Variants in ANKS6 observed in about 807,000 individuals in gnomAD.
ANKS6 encodes the protein ankyrin repeat and SAM domain-containing protein 6.
Under a neutral mutation model 77.9 loss-of-function variants are expected in ANKS6, and 47 were observed. The ratio of observed to expected loss-of-function variants is 0.60; its 90% confidence interval spans 0.48 to 0.77. The LOEUF (loss-of-function observed/expected upper bound fraction) is 0.77. Among genes scored for constraint, ANKS6 ranks in the 30% least tolerant of loss-of-function variants. ANKS6 has a pLI of 0.00. For missense variants in ANKS6, 1,150 were observed against 1,159.1 expected (o/e 0.99, Z 0.11); for synonymous variants, 488 against 501.7 (o/e 0.97, Z 0.37).
In ANKS6 at chr9:98,757,011, T is replaced by C. The variant is rs140335640; in HGVS notation, c.2143-408A>G. Among the ~76,000 whole-genome samples, 234 of 151,478 alleles carry C rather than the reference T, an allele frequency of 1.5e-3. 1 individual carries two copies. Among genetic ancestry groups the C allele is most frequent in the African/African-American group, 5.5e-3 (225 of 41,210 alleles). On this transcript the variant is annotated intron_variant, in intron 11 of 14. Coordinates refer to ENST00000353234, the MANE Select transcript of ANKS6 (RefSeq NM_173551.5). ...GCACAAAGTCTCTTTCTGCTCTTGA[T>C]GCTCCTTCATCTACACCAAAGAACA...
At chr9:98,783,153 A>G (rs1834374323) in intron 4 of ANKS6, among the ~76,000 whole-genome samples, 1 of 151,818 alleles carries the variant, frequency 6.6e-6, no homozygotes, top group Non-Finnish European at 1.5e-5. Flanking sequence ...AGGGGAGAGG[A>G]GACAAAACCA....
rs961612052 is a variant in ANKS6 at position 98,796,535 on chromosome 9, G to C, written c.-44C>G. 1.0e-6 allele frequency: 1 copy of C among 971,722 alleles called. No homozygotes were observed. The highest frequency in any genetic ancestry group is 1.2e-6 in the Non-Finnish European group (1 of 818,596). 60.2% of individuals were successfully genotyped at this position (971,722 alleles called of 1,614,324 possible). On this transcript the variant is annotated 5_prime_UTR_variant, in exon 1 of 15. Transcript: ENST00000353234. ...CCCGCTCCCGTCCGCCCCGCCGGCCGCGTCGGCTCCGCCCCCGGATACCGC... is the reference window on the plus strand; with the variant it reads ...CCCGCTCCCGTCCGCCCCGCCGGCCCCGTCGGCTCCGCCCCCGGATACCGC...
chr9:98,737,730 C>T (rs1375172815), intron 14 of ANKS6, among the ~76,000 whole-genome samples: 2 of 152,070 alleles, frequency 1.3e-5, no homozygotes, highest in African/African-American at 4.8e-5. Context: ...TTAGAAAAAA[C>T]AATTCTAAAA....
chr9:98,782,111 G>A (rs995796899), intron 5 of ANKS6, among the ~76,000 whole-genome samples: 1 of 152,172 alleles, frequency 6.6e-6, no homozygotes, highest in African/African-American at 2.4e-5. Context: ...TATCAAAGGG[G>A]ACTTTATGTT....
At chr9:98,777,496 T>G in intron 7 of ANKS6, 42 bp from the exon 8 acceptor site, 1 of 1,598,410 alleles carries the variant, frequency 6.3e-7, no homozygotes, top group South Asian at 1.1e-5. Flanking sequence ...CCCCTCCACG[T>G]GTCCACAGCA....
chr9:98,796,277 T>C lies in ANKS6; in HGVS notation c.215A>G (p.Asp72Gly). Residue 72 changes from aspartate (D) to glycine (G), a missense_variant, in exon 1 of 15, where the codon GAT becomes GGT. Transcript: ENST00000353234. The part of the protein sequence containing the change: ...AGAVGAPVPV[D>G]CSDEAGNTAL... The stretch of plus-strand genomic sequence containing the variant: ...GGTGTTGCCCGCCTCGTCCGAGCAA[T>C]CCACGGGCACCGGAGCCCCGACTGC... The C allele has an allele frequency of 4.5e-6, 6 of 1,327,994 alleles. No individual in the cohort carries two copies. Among genetic ancestry groups the C allele is most frequent in the Non-Finnish European group, 5.8e-6 (6 of 1,034,154 alleles). The allele number at this position is 1,327,994 out of a possible 1,614,324, so 82.3% of individuals were successfully genotyped here.
rs201705069 is a variant in ANKS6 at position 98,784,068 on chromosome 9, C to A, written c.997G>T (p.Ala333Ser). 1.2e-5 allele frequency: 19 copies of A among 1,610,708 alleles called. No homozygotes were observed. The highest frequency in any genetic ancestry group is 1.5e-5 in the Non-Finnish European group (18 of 1,178,536). Residue 333 changes from alanine to serine, a missense_variant, in exon 4 of 15, where the codon GCA becomes TCA. By Grantham distance (99) the Ala-to-Ser change is moderately conservative. Transcript: ENST00000353234. The part of the protein sequence containing the change: ...NGDGATPLML[A>S]AVTGQLALVQ... ...AGAGCCAGCTGCCCCGTAACAGCTG[C>A]TAGCATCAGTGGCGTCGCCCCGTCC...
chr9:98,796,481 C>T lies in ANKS6; in HGVS notation c.11G>A (p.Gly4Asp). 1 of 990,360 alleles carries T rather than the reference C, an allele frequency of 1.0e-6. No individual in the cohort carries two copies. The highest frequency in any genetic ancestry group is 1.2e-6 in the Non-Finnish European group (1 of 834,934). 61.3% of individuals were successfully genotyped at this position (990,360 alleles called of 1,614,324 possible). A position where few individuals can be genotyped will look rare whatever the true frequency, so the allele number is the denominator to read the frequency against. The part of the protein sequence containing the change: MGE[G>D]GLPPAFQLLL... ...CAGCTGGAAGGCCGGGGGCAGCCCG[C>T]CCTCGCCCATCGCCGCCGCCACGCG... The change falls in exon 1 of 15, where the codon GGC becomes GAC. Residue 4 changes from glycine (G) to aspartate (D), a missense_variant. Transcript: ENST00000353234.
At position 98,782,591 on chromosome 9, in the gene ANKS6, A is replaced by G. The variant is rs1389126425; in HGVS notation, c.1113-18T>C. 6.2e-7 allele frequency: 1 copy of G among 1,601,204 alleles called. No individual in the cohort carries two copies. Among genetic ancestry groups the G allele is most frequent in the Non-Finnish European group, 8.6e-7 (1 of 1,168,432 alleles). On this transcript the variant is annotated intron_variant, in intron 4 of 14. Coordinates refer to ENST00000353234, the MANE Select transcript of ANKS6 (RefSeq NM_173551.5). ...CCTTATTCCTGGGAAAAAATGCTAGAGTTACATTCACTGAAAGCAAAGGCA... is the reference window on the plus strand; with the variant it reads ...CCTTATTCCTGGGAAAAAATGCTAGGGTTACATTCACTGAAAGCAAAGGCA...
chr9:98,736,602 G>A lies in ANKS6; in HGVS notation c.2533C>T (p.Gln845Ter), dbSNP rs762816667. The change falls in exon 15 of 15, where the codon CAG (glutamine) becomes TAG (stop). Residue 845 changes from glutamine to a stop codon, truncating the protein, a stop_gained. Coordinates refer to ENST00000353234, the MANE Select transcript of ANKS6 (RefSeq NM_173551.5). LOFTEE classifies it high-confidence loss of function. ...AGKGRERQILQETIHNFHSSF... is the reference protein window; with the variant it reads ...AGKGRERQIL ...GAGTGAAAGTTGTGAATGGTTTCCT[G>A]TAAAATTTGTCTCTCGCGTCCCTGT... 4.3e-6 allele frequency: 7 copies of A among 1,612,348 alleles called. No homozygotes were observed. In the South Asian group the frequency reaches 6.6e-5, roughly 15 times the overall value.
chr9:98,760,183 T>A (rs1020115700), intron 11 of ANKS6, among the ~76,000 whole-genome samples: 9 of 152,214 alleles, frequency 5.9e-5, no homozygotes, highest in African/African-American at 2.2e-4. Flanking sequence ...GGCAAGGAGC[T>A]CCCACACTCT....
intron 2 of ANKS6, among the ~76,000 whole-genome samples, chr9:98,789,613 T>C (rs1056618668): frequency 6.6e-6 from 1 of 152,160 alleles, no homozygotes; most frequent in Non-Finnish European, 1.5e-5. Flanking sequence ...GTTTTTGTAG[T>C]TATAATTTAT....
chr9:98,764,512 C>A (rs1833168730), intron 11 of ANKS6, among the ~76,000 whole-genome samples: 1 of 152,110 alleles, frequency 6.6e-6, no homozygotes, highest in Admixed American at 6.6e-5. Flanking sequence ...TATGCTGTGG[C>A]ATTTGATATC....
At chr9:98,777,907 T>C (rs1287504791) in intron 7 of ANKS6, among the ~76,000 whole-genome samples, 2 of 152,216 alleles carry the variant, frequency 1.3e-5, no homozygotes, top group African/African-American at 2.4e-5. Flanking sequence ...TTCAGTGTCA[T>C]AGACCAATCA....
chr9:98,767,189 G>A (rs1833349388), intron 11 of ANKS6, among the ~76,000 whole-genome samples: 1 of 152,186 alleles, frequency 6.6e-6, no homozygotes, highest in Admixed American at 6.5e-5. Context: ...TTCTCTGGCT[G>A]CATTAATGGA....
At chr9:98,763,559 G>C (rs975934166) in intron 11 of ANKS6, among the ~76,000 whole-genome samples, 2 of 151,904 alleles carry the variant, frequency 1.3e-5, no homozygotes, top group Admixed American at 6.6e-5. Flanking sequence ...TGTAATCTAA[G>C]CTTCCACCAT....
chr9:98,758,356 G>C (rs1429309579), intron 11 of ANKS6, among the ~76,000 whole-genome samples: 1 of 126,028 alleles, frequency 7.9e-6, no homozygotes, highest in African/African-American at 3.0e-5. Context: ...CTTTTTAAAA[G>C]TATTTGCCTA....
At chr9:98,794,573 C>T (rs1415303872) in intron 1 of ANKS6, among the ~76,000 whole-genome samples, 1 of 152,078 alleles carries the variant, frequency 6.6e-6, no homozygotes, top group Admixed American at 6.5e-5. Context: ...GGTGTCACAC[C>T]AACTGAGGAA....
At chr9:98,753,530 G>A (rs780172769) in intron 12 of ANKS6, among the ~76,000 whole-genome samples, 4 of 151,912 alleles carry the variant, frequency 2.6e-5, no homozygotes, top group Admixed American at 1.3e-4. Context: ...ATCAAGCCCC[G>A]GATTGCTTGA....
Sources: gnomAD v4.1 joint callset for allele counts (sites outside exome capture counted in the v4.1 genomes callset) on GRCh38, gnomAD v4.1.1 for gene constraint, MANE v1.5 for transcripts, NCBI Gene and HGNC (gene_info 2026-07-23, HGNC 2026-07-21) for gene names.